The following KARS1 variants were observed in gnomAD, a reference collection of about 807,000 sequenced individuals.
KARS1 encodes lysine--tRNA ligase.
Under a neutral mutation model 63.9 loss-of-function variants are expected in KARS1, and 50 were observed. The observed-to-expected ratio is 0.78, with a 90% CI of 0.62 to 0.99. The LOEUF (loss-of-function observed/expected upper bound fraction) is 0.99. Among genes scored for constraint, KARS1 ranks in the 50% least tolerant of loss-of-function variants. The pLI is 0.00. For missense variants in KARS1, 816 were observed against 754.5 expected, an observed-to-expected ratio of 1.08 and a Z score of -0.95; for synonymous variants, 320 against 264.6, an observed-to-expected ratio of 1.21 and a Z score of -2.03.
At chr16:75,634,520 C>G (rs1440335055) in intron 6 of KARS1, among the ~76,000 whole-genome samples, 1 of 152,218 alleles carries the variant, frequency 6.6e-6, no homozygotes, top group African/African-American at 2.4e-5. Context: ...CGAACTTTCA[C>G]AAGCTGTAAA....
chr16:75,647,407 G>A, intron 1 of KARS1, 171 bp downstream of exon 1: 1 of 701,662 alleles, frequency 1.4e-6, no homozygotes, highest in East Asian at 2.7e-5. Context: ...CGTGCCCGGG[G>A]TATCCCGGGG....
At chr16:75,637,899 C>A (rs1402423562) in intron 3 of KARS1, among the ~76,000 whole-genome samples, 2 of 102,856 alleles carry the variant, frequency 1.9e-5, no homozygotes, top group South Asian at 8.2e-4. Context: ...AAAAAAGAGA[C>A]CAAAAAAAAA....
intron 6 of KARS1, among the ~76,000 whole-genome samples, chr16:75,635,152 T>C (rs1240193515): frequency 3.9e-5 from 6 of 152,160 alleles, no homozygotes; most frequent in African/African-American, 1.2e-4. Flanking sequence ...GTGACTTCAT[T>C]CATATTTAAA....
At chr16:75,646,434 G>A (rs111323143) in intron 1 of KARS1, among the ~76,000 whole-genome samples, 1 of 151,898 alleles carries the variant, frequency 6.6e-6, no homozygotes, top group African/African-American at 2.4e-5. Flanking sequence ...CCAGCTACTC[G>A]GGAGGCTGAG....
At position 75,636,040 on chromosome 16, in the gene KARS1, T is replaced by G. The variant is rs139850052; in HGVS notation, c.541A>C (p.Ile181Leu). The G allele has an allele frequency of 1.2e-6, 2 of 1,610,016 alleles. No homozygotes were observed. Among genetic ancestry groups the G allele is most frequent in the African/African-American group, 2.7e-5 (2 of 74,942 alleles). ...CCAGGATTCCCCTGAACTCCAATTA[T>G]GTCTCCCCGACGCAGTTTGTTATTA... ...HINNKLRRGD[I>L]IGVQGNPGKT... Residue 181 changes from isoleucine to leucine, a missense_variant, in exon 5 of 14, where the codon ATA becomes CTA. Coordinates refer to ENST00000302445, the MANE Select transcript of KARS1 (RefSeq NM_005548.3).
rs571027793 is a variant in KARS1 at position 75,632,453 on chromosome 16, G to A, written c.916-598C>T. Among the ~76,000 whole-genome samples, 13 of 152,296 alleles carry A rather than the reference G, an allele frequency of 8.5e-5. No individual in the cohort carries two copies. In the South Asian group the frequency reaches 1.7e-3, roughly 19 times the overall value. ...CCTCTCTTGGGGTTAGGCTGCAGGCGTGTGACCCAAGCTCCACCAGTCAGA... is the reference window on the plus strand; with the variant it reads ...CCTCTCTTGGGGTTAGGCTGCAGGCATGTGACCCAAGCTCCACCAGTCAGA... On this transcript the variant is annotated intron_variant, in intron 7 of 13. Transcript: ENST00000302445.
At chr16:75,633,925 C>A in intron 7 of KARS1, 2 of 461,424 alleles carry the variant, frequency 4.3e-6, no homozygotes, top group South Asian at 2.0e-5. Context: ...TTTAGGGGAA[C>A]CAAAGTAGGT....
Position 75,634,189 on chromosome 16 carries a change from G to A in KARS1, c.899C>T (p.Pro300Leu). The A allele has an allele frequency of 6.2e-7, 1 of 1,613,850 alleles. No individual in the cohort carries two copies. The highest frequency in any genetic ancestry group is 8.5e-7 in the Non-Finnish European group (1 of 1,179,820). Residue 300 changes from proline to leucine, a missense_variant, in exon 7 of 14, where the codon CCA becomes CTA. Transcript: ENST00000302445. ...ACTGACTACCTTATGATAGAGTTCT[G>A]GAGCAATTCTCATATATAAGTTCAT... ...LDMNLYMRIA[P>L]ELYHKMLVVG... is the part of the protein sequence containing the mutation.
intron 1 of KARS1, among the ~76,000 whole-genome samples, chr16:75,642,125 G>A (rs540377771): frequency 2.8e-4 from 42 of 147,444 alleles, no homozygotes; most frequent in African/African-American, 8.6e-4. Context: ...CTTGAGGACA[G>A]TGACTGAATC....
chr16:75,644,393 C>A lies in KARS1; in HGVS notation c.63-2670G>T, dbSNP rs757141992. Reference sequence around the variant, plus strand: ...CTGCCCAGGAGGTTTTGCGCAGGGACCCCCTAACAAGCCTTACAGCAGCTT... The same window carrying A: ...CTGCCCAGGAGGTTTTGCGCAGGGAACCCCTAACAAGCCTTACAGCAGCTT... On this transcript the variant is annotated intron_variant, in intron 1 of 13. Coordinates refer to ENST00000302445, the MANE Select transcript of KARS1 (RefSeq NM_005548.3). 6.0e-5 allele frequency: 96 copies of A among 1,612,454 alleles called. No homozygotes were observed. Among genetic ancestry groups the A allele is most frequent in the Non-Finnish European group, 7.9e-5 (93 of 1,179,302 alleles).
chr16:75,637,117 G>C (rs548770898), intron 3 of KARS1, among the ~76,000 whole-genome samples: 1 of 152,244 alleles, frequency 6.6e-6, no homozygotes, highest in Admixed American at 6.5e-5. Context: ...GAAGATGGTG[G>C]TGCTGGTAGC....
rs752788351 is a variant in KARS1 at position 75,641,651 on chromosome 16, C to G, written c.135G>C (p.Glu45Asp). The G allele has an allele frequency of 3.4e-5, 55 of 1,613,880 alleles. No homozygotes were observed. Among genetic ancestry groups the G allele is most frequent in the Non-Finnish European group, 6.8e-6 (8 of 1,179,984 alleles). The change falls in exon 2 of 14, where the codon GAG becomes GAC. Residue 45 changes from glutamate to aspartate, a missense_variant. Glu to Asp is a conservative substitution (Grantham distance 45). Transcript: ENST00000302445. ...EKEAKQKELSEKQLSQATAAA... is the reference protein window; with the variant it reads ...EKEAKQKELSDKQLSQATAAA... The stretch of plus-strand genomic sequence containing the variant: ...CAGCAGTGGCTTGGCTTAGCTGTTT[C>G]TCACTGAGCTCTTTCTGTTTGGCCT...
At chr16:75,647,305 A>T (rs532876490) in intron 1 of KARS1, among the ~76,000 whole-genome samples, 2 of 152,336 alleles carry the variant, frequency 1.3e-5, no homozygotes, top group South Asian at 4.1e-4. Context: ...GATAACTCTT[A>T]GTTCTCGTCC....
chr16:75,647,649 G>C lies in KARS1; in HGVS notation c.-10C>G. On this transcript the variant is annotated 5_prime_UTR_variant, in exon 1 of 14. Coordinates refer to ENST00000302445, the MANE Select transcript of KARS1 (RefSeq NM_005548.3). ...CCTGCACGGCCGCCATCTTCCCGGA[G>C]GGCCCGACCCAAAAGTAAGGAGGAT... The C allele has an allele frequency of 6.2e-7, 1 of 1,613,804 alleles. No individual in the cohort carries two copies. The highest frequency in any genetic ancestry group is 1.1e-5 in the South Asian group (1 of 91,048).
chr16:75,632,343 C>G (rs1029653232), intron 7 of KARS1, among the ~76,000 whole-genome samples: 20 of 152,250 alleles, frequency 1.3e-4, no homozygotes, highest in African/African-American at 4.8e-4. Flanking sequence ...ATAGTTACCC[C>G]TTTTTTGGCT....
chr16:75,642,536 C>A (rs1022868642), intron 1 of KARS1, among the ~76,000 whole-genome samples: 4 of 152,030 alleles, frequency 2.6e-5, no homozygotes, highest in Non-Finnish European at 5.9e-5. Flanking sequence ...GGCAACATCT[C>A]CAGCCCTCTG....
intron 1 of KARS1, among the ~76,000 whole-genome samples, chr16:75,646,024 T>G (rs545379418): frequency 6.6e-6 from 1 of 152,214 alleles, no homozygotes; most frequent in Non-Finnish European, 1.5e-5. Context: ...TTTAGGATCG[T>G]ATATCACAGA....
chr16:75,633,114 C>T (rs1426682209), intron 7 of KARS1, among the ~76,000 whole-genome samples: 4 of 152,178 alleles, frequency 2.6e-5, no homozygotes, highest in Non-Finnish European at 5.9e-5. Flanking sequence ...TCCTCTCTTA[C>T]GATGTTAATT....
At chr16:75,636,998 G>C (rs2151806703) in intron 3 of KARS1, among the ~76,000 whole-genome samples, 1 of 148,706 alleles carries the variant, frequency 6.7e-6, no homozygotes, top group Non-Finnish European at 1.5e-5. Flanking sequence ...TCTGATTTTA[G>C]CTTGAGGTTT....
Sources: gnomAD v4.1 joint callset for allele counts (sites outside exome capture counted in the v4.1 genomes callset) on GRCh38, gnomAD v4.1.1 for gene constraint, MANE v1.5 for transcripts, NCBI Gene and HGNC (gene_info 2026-07-23, HGNC 2026-07-21) for gene names.